Variants in ERBB3 observed in about 807,000 individuals in gnomAD.
ERBB3 encodes the protein erb-b2 receptor tyrosine kinase 3.
ERBB3 carries 96 observed loss-of-function variants against 156.7 expected under a neutral mutation model. The ratio of observed to expected loss-of-function variants is 0.61; its 90% confidence interval spans 0.52 to 0.73. The LOEUF is 0.73. Among genes scored for constraint, ERBB3 ranks in the 30% least tolerant of loss-of-function variants. The pLI is 0.00. For synonymous variants in ERBB3, 567 were observed against 632.0 expected, an observed-to-expected ratio of 0.90 and a Z score of 1.54; for missense variants, 1,406 against 1,709.4, an observed-to-expected ratio of 0.82 and a Z score of 3.13.
In ERBB3 at chr12:56,087,825, A is replaced by G. The variant is rs1256589883; in HGVS notation, c.644A>G (p.Asn215Ser). ...AAGACCATCTGTGCTCCTCAGTGTA[A>G]TGGTCACTGCTTTGGGCCCAACCCC... ...LTKTICAPQC[N>S]GHCFGPNPNQ... is the part of the protein sequence containing the mutation. The change falls in exon 6 of 28, where the codon AAT becomes AGT. Residue 215 changes from asparagine (N) to serine (S), a missense_variant. Coordinates refer to ENST00000267101, the MANE Select transcript of ERBB3 (RefSeq NM_001982.4). 6.2e-7 allele frequency: 1 copy of G among 1,614,038 alleles called. No individual in the cohort carries two copies. The highest frequency in any genetic ancestry group is 1.7e-5 in the Admixed American group (1 of 60,014).
At chr12:56,096,194 A>G in intron 17 of ERBB3, 1 of 520,782 alleles carries the variant, frequency 1.9e-6, no homozygotes, top group Non-Finnish European at 3.5e-6. Flanking sequence ...AGCACAGAGC[A>G]CTGTATAAAA....
chr12:56,086,864 G>A lies in ERBB3; in HGVS notation c.547+208G>A, dbSNP rs705696. Among the ~76,000 whole-genome samples the A allele has an allele frequency of 0.24, 36,580 of 152,094 alleles. 5,351 individuals carry two copies. Among genetic ancestry groups the A allele is most frequent in the Non-Finnish European group, 0.33 (22,466 of 67,962 alleles). On this transcript the variant is annotated intron_variant, in intron 4 of 27. Coordinates refer to ENST00000267101, the MANE Select transcript of ERBB3 (RefSeq NM_001982.4). ...GGTGTTTCAAGAAAAGGAGCAGGCCGAGCATGGTGGCTCATGCCTATAATC... is the reference window on the plus strand; with the variant it reads ...GGTGTTTCAAGAAAAGGAGCAGGCCAAGCATGGTGGCTCATGCCTATAATC...
At position 56,097,799 on chromosome 12, in the gene ERBB3, T is replaced by C. The variant is rs1868938169; in HGVS notation, c.2475T>C (p.Leu825=). 1 of 1,613,676 alleles carries C rather than the reference T, an allele frequency of 6.2e-7. No homozygotes were observed. The highest frequency in any genetic ancestry group is 8.5e-7 in the Non-Finnish European group (1 of 1,179,774). ...TATACCTACAGGGAATGTACTACCT[T>C]GAGGAACATGGTATGGTGCATAGAA... is the stretch of plus-strand genomic sequence containing the variant. ...GVQIAKGMYY[L]EEHGMVHRNL... The change falls in exon 21 of 28, where the codon CTT becomes CTC. Residue 825 remains leucine, a synonymous_variant. Coordinates refer to ENST00000267101, the MANE Select transcript of ERBB3 (RefSeq NM_001982.4).
At chr12:56,087,494 G>T (rs1439322896) in intron 4 of ERBB3, 83 bp from the exon 5 acceptor site, 1 of 1,153,218 alleles carries the variant, frequency 8.7e-7, no homozygotes. Context: ...TGAGGTGCCT[G>T]TGTACTGACA....
chr12:56,082,829 G>C (rs1251246460), intron 1 of ERBB3, among the ~76,000 whole-genome samples: 1 of 152,128 alleles, frequency 6.6e-6, no homozygotes. Context: ...ATGGTGAAAG[G>C]CTTTTTCATG....
At position 56,102,793 on chromosome 12, in the gene ERBB3, AC is replaced by A. The variant is rs1426858169; in HGVS notation, c.*743del. 1.9e-5 allele frequency: 2 copies of A among 102,800 alleles called. No homozygotes were observed. Among genetic ancestry groups the A allele is most frequent in the Middle Eastern group, 7.4e-3 (1 of 136 alleles). 6.4% of individuals were successfully genotyped at this position (102,800 alleles called of 1,614,324 possible). On this transcript the variant is annotated 3_prime_UTR_variant, in exon 28 of 28. Coordinates refer to ENST00000267101, the MANE Select transcript of ERBB3 (RefSeq NM_001982.4). ...AGACCAGCTTAGCCAACATAGTAAGACCCCCATCTCTTTAAAAAAAAAAAAA... is the reference window on the plus strand; with the variant it reads ...AGACCAGCTTAGCCAACATAGTAAGACCCCATCTCTTTAAAAAAAAAAAAA...
intron 9 of ERBB3, among the ~76,000 whole-genome samples, chr12:56,089,969 G>A (rs1302170072): frequency 2.1e-5 from 3 of 144,476 alleles, no homozygotes; most frequent in African/African-American, 7.7e-5. Context: ...AAAGTTGCAA[G>A]AATGGTATAA....
chr12:56,098,143 G>T (rs536345070), intron 21 of ERBB3: 1 of 606,660 alleles, frequency 1.6e-6, no homozygotes, highest in Admixed American at 3.0e-5. Flanking sequence ...GGTGGCTCAC[G>T]CCTGTAATCC....
intron 16 of ERBB3, 51 bp from the exon 17 acceptor site, chr12:56,095,614 G>A (rs1021171078): frequency 1.2e-6 from 2 of 1,607,666 alleles, no homozygotes; most frequent in African/African-American, 1.3e-5. Context: ...GTTGACATTT[G>A]TAAGGAAGAT....
At chr12:56,091,285 T>TATATATATAAATAATATATATAAATATAA (rs1565858491) in intron 9 of ERBB3, among the ~76,000 whole-genome samples, 22 of 61,158 alleles carry the variant, frequency 3.6e-4, no homozygotes, top group East Asian at 1.0e-3. Flanking sequence ...TATATATATA[T>TATATATATAAATAATATATATAAATATAA]ATATATATAT....
At chr12:56,095,830 T>C in intron 17 of ERBB3, 24 bp downstream of exon 17, 1 of 1,613,966 alleles carries the variant, frequency 6.2e-7, no homozygotes, top group South Asian at 1.1e-5. Context: ...TTACTTTTGT[T>C]TTTTCTTTTC....
In ERBB3 at chr12:56,097,355, G is replaced by C. The variant is rs1455812227; in HGVS notation, c.2460+125G>C. ...ACCCCCGGGCTGCAGACTGGTACCA[G>C]TCCATGGCCTGTTAGGAACCAGGCC... On this transcript the variant is annotated intron_variant, in intron 20 of 27. Coordinates refer to ENST00000267101, the MANE Select transcript of ERBB3 (RefSeq NM_001982.4). 1.7e-5 allele frequency: 15 copies of C among 869,006 alleles called. No homozygotes were observed. The Admixed American group carries it at 3.0e-4, about 17-fold the overall frequency. 53.8% of individuals were successfully genotyped at this position (869,006 alleles called of 1,614,324 possible).
intron 16 of ERBB3, 98 bp from the exon 17 acceptor site, chr12:56,095,567 T>G: frequency 1.4e-6 from 2 of 1,408,130 alleles, no homozygotes; most frequent in Non-Finnish European, 2.0e-6. Flanking sequence ...GTTAATTTCT[T>G]GCCCCAGGTC....
In ERBB3 at chr12:56,100,216, A is replaced by G. The variant is rs979965192; in HGVS notation, c.3172A>G (p.Asn1058Asp). The G allele has an allele frequency of 1.2e-6, 2 of 1,614,050 alleles. No homozygotes were observed. The highest frequency in any genetic ancestry group is 1.7e-6 in the Non-Finnish European group (2 of 1,179,998). Reference sequence around the variant, plus strand: ...TCCATCATCTGGATACATGCCCATGAACCAGGGTAATCTTGGGGAGTCTTG... The same window carrying G: ...TCCATCATCTGGATACATGCCCATGGACCAGGGTAATCTTGGGGAGTCTTG... The part of the protein sequence containing the change: ...LSPSSGYMPM[N>D]QGNLGESCQE... Residue 1058 changes from asparagine (N) to aspartate (D), a missense_variant, in exon 26 of 28, where the codon AAC becomes GAC. By Grantham distance (23) the Asn-to-Asp change is conservative. Coordinates refer to ENST00000267101, the MANE Select transcript of ERBB3 (RefSeq NM_001982.4).
At chr12:56,101,001 C>G in intron 26 of ERBB3, 60 bp from the exon 27 acceptor site, 4 of 866,302 alleles carry the variant, frequency 4.6e-6, no homozygotes, top group Non-Finnish European at 7.1e-6. Flanking sequence ...AAACAAATCT[C>G]TCTTCTTTCC....
chr12:56,098,679 A>C, intron 22 of ERBB3, 80 bp from the exon 23 acceptor site: 7 of 1,590,076 alleles, frequency 4.4e-6, no homozygotes, highest in Non-Finnish European at 6.0e-6. Context: ...TTTTTGTGTT[A>C]GATCAGGTTC....
chr12:56,100,766 CCT>C (rs2136827503), intron 26 of ERBB3, among the ~76,000 whole-genome samples: 1 of 151,788 alleles, frequency 6.6e-6, no homozygotes, highest in African/African-American at 2.4e-5. Context: ...ATGGCAAAAC[CCT>C]GTCTGTACTA....
chr12:56,095,917 GATAA>G, intron 17 of ERBB3, 111 bp downstream of exon 17: 1 of 1,134,600 alleles, frequency 8.8e-7, no homozygotes, highest in Non-Finnish European at 1.3e-6. Context: ...TCAGTGATGG[GATAA>G]ATGTCACTCC....
intron 19 of ERBB3, 82 bp from the exon 20 acceptor site, chr12:56,096,962 TG>T (rs975021769): frequency 4.1e-5 from 31 of 754,018 alleles, no homozygotes; most frequent in East Asian, 1.2e-4. Flanking sequence ...ATGTTGGGGG[TG>T]GGGGGGCCTG....
Sources: gnomAD v4.1 joint callset for allele counts (sites outside exome capture counted in the v4.1 genomes callset) on GRCh38, gnomAD v4.1.1 for gene constraint, MANE v1.5 for transcripts, NCBI Gene and HGNC (gene_info 2026-07-23, HGNC 2026-07-21) for gene names.